The following ARAP2 variants were observed in gnomAD, a reference collection of about 807,000 sequenced individuals.
ARAP2 encodes arf-GAP with Rho-GAP domain, ANK repeat and PH domain-containing protein 2.
Under a neutral mutation model 194.5 loss-of-function variants are expected in ARAP2, and 148 were observed. That is an observed-to-expected ratio of 0.76 (90% CI 0.67 to 0.87). The LOEUF (loss-of-function observed/expected upper bound fraction) is 0.87, where lower values mean the gene tolerates loss of function less well. Ranked by LOEUF, ARAP2 falls within the 40% of genes least tolerant of loss-of-function variation. The pLI, the probability that ARAP2 is intolerant of heterozygous loss-of-function variation, is 0.00. For missense variants in ARAP2, 2,128 were observed against 1,989.7 expected (o/e 1.07, Z -1.32); for synonymous variants, 695 against 683.5 (o/e 1.02, Z -0.26).
chr4:36,121,071 T>C, intron 23 of ARAP2, 108 bp downstream of exon 23: 1 of 812,218 alleles, frequency 1.2e-6, no homozygotes, highest in Non-Finnish European at 1.7e-6. Flanking sequence ...TTTATGTATT[T>C]CTAAATATGA....
intron 26 of ARAP2, among the ~76,000 whole-genome samples, chr4:36,110,627 T>C (rs1375206071): frequency 2.0e-5 from 3 of 151,940 alleles, no homozygotes; most frequent in Non-Finnish European, 4.4e-5. Flanking sequence ...CAGCTTAATG[T>C]ATATTTCATA....
At chr4:36,052,777 G>A (rs1342433908) in intron 2 of ARAP2, among the ~76,000 whole-genome samples, 4 of 152,044 alleles carry the variant, frequency 2.6e-5, no homozygotes, top group Non-Finnish European at 2.9e-5. Flanking sequence ...ATCGTGGCTA[G>A]CACGGTGAAA....
intron 12 of ARAP2, 45 bp from the exon 13 acceptor site, chr4:36,160,686 A>C: frequency 3.0e-6 from 4 of 1,333,202 alleles, no homozygotes; most frequent in Non-Finnish European, 3.9e-6. Flanking sequence ...AGTTCATAAA[A>C]TATATTTGAA....
At chr4:36,111,179 T>C (rs1719896563) in intron 26 of ARAP2, among the ~76,000 whole-genome samples, 1 of 151,864 alleles carries the variant, frequency 6.6e-6, no homozygotes, top group South Asian at 2.1e-4. Flanking sequence ...CTGCATTACT[T>C]GGAGGATTTA....
chr4:36,035,688 CA>C (rs1719786198), intron 5 of ARAP2, among the ~76,000 whole-genome samples: 1 of 152,060 alleles, frequency 6.6e-6, no homozygotes, highest in Non-Finnish European at 1.5e-5. Flanking sequence ...ATTTGTTCAT[CA>C]ATACATTTTT....
At chr4:36,127,601 T>G (rs1243338355) in intron 21 of ARAP2, among the ~76,000 whole-genome samples, 1 of 151,992 alleles carries the variant, frequency 6.6e-6, no homozygotes, top group African/African-American at 2.4e-5. Flanking sequence ...GCCATGTGAC[T>G]AGATTCAAAA....
At chr4:36,099,423 C>T (rs1476513133) in intron 27 of ARAP2, among the ~76,000 whole-genome samples, 2 of 152,026 alleles carry the variant, frequency 1.3e-5, no homozygotes, top group Admixed American at 6.6e-5. Context: ...GACCTGACTA[C>T]AAGAAATCCA....
chr4:36,114,818 A>G (rs1720939544), intron 25 of ARAP2, among the ~76,000 whole-genome samples: 2 of 152,004 alleles, frequency 1.3e-5, no homozygotes, highest in African/African-American at 4.8e-5. Flanking sequence ...TCCAGGGCAG[A>G]TGTCAGAGTC....
At chr4:36,158,942 G>A in intron 14 of ARAP2, 78 bp from the exon 15 acceptor site, 1 of 1,287,708 alleles carries the variant, frequency 7.8e-7, no homozygotes, top group South Asian at 1.8e-5. Context: ...ATGTACATGA[G>A]TTTTGAGCTA....
intron 23 of ARAP2, among the ~76,000 whole-genome samples, chr4:36,120,386 T>C (rs1171347888): frequency 1.3e-5 from 2 of 151,608 alleles, no homozygotes; most frequent in Non-Finnish European, 3.0e-5. Flanking sequence ...TTATGATAAG[T>C]GATTATAATA....
intron 1 of ARAP2, among the ~76,000 whole-genome samples, chr4:36,237,875 A>G (rs1752734411): frequency 6.6e-6 from 1 of 152,222 alleles, no homozygotes; most frequent in African/African-American, 2.4e-5. Context: ...ATAGATAAAG[A>G]CATGTTCAAC....
At chr4:36,116,361 G>C (rs1482049041) in intron 25 of ARAP2, among the ~76,000 whole-genome samples, 1 of 151,854 alleles carries the variant, frequency 6.6e-6, no homozygotes, top group Admixed American at 6.6e-5. Flanking sequence ...AATGTCTACT[G>C]TTCATACAAA....
intron 8 of ARAP2, among the ~76,000 whole-genome samples, chr4:36,183,081 C>T (rs1013593750): frequency 2.0e-5 from 3 of 152,006 alleles, no homozygotes; most frequent in Non-Finnish European, 4.4e-5. Context: ...AAATACATTA[C>T]GTCAGAAACT....
intron 28 of ARAP2, among the ~76,000 whole-genome samples, chr4:36,087,983 A>G (rs1331066766): frequency 6.6e-6 from 1 of 152,102 alleles, no homozygotes; most frequent in African/African-American, 2.4e-5. Flanking sequence ...TTCGTGGGGT[A>G]ACTGTATAGA....
chr4:36,187,888 C>T (rs1316235150), intron 7 of ARAP2, among the ~76,000 whole-genome samples: 2 of 152,200 alleles, frequency 1.3e-5, no homozygotes, highest in East Asian at 3.8e-4. Context: ...TTCTTTAAAA[C>T]AATCTGCTCA....
chr4:36,087,469 G>A (rs1250891019), intron 28 of ARAP2, among the ~76,000 whole-genome samples: 2 of 152,050 alleles, frequency 1.3e-5, no homozygotes, highest in African/African-American at 4.8e-5. Context: ...TGTTTTCAGA[G>A]AAGTTCTTGA....
intron 5 of ARAP2, among the ~76,000 whole-genome samples, chr4:36,031,715 C>T (rs1197961509): frequency 6.6e-6 from 1 of 150,416 alleles, no homozygotes; most frequent in African/African-American, 2.4e-5. Context: ...GTCGCCCAGG[C>T]TGGAGTGCAA....
intron 9 of ARAP2, among the ~76,000 whole-genome samples, chr4:36,173,370 A>T (rs1319659462): frequency 6.6e-6 from 1 of 152,184 alleles, no homozygotes; most frequent in Non-Finnish European, 1.5e-5. Flanking sequence ...AAAAATTCTG[A>T]CTTACACACT....
At chr4:36,155,013 C>T (rs918959335) in intron 15 of ARAP2, among the ~76,000 whole-genome samples, 6 of 152,152 alleles carry the variant, frequency 3.9e-5, no homozygotes, top group Non-Finnish European at 7.4e-5. Flanking sequence ...TAAATAGGGG[C>T]TTTCTGCACA....
Sources: gnomAD v4.1 joint callset for allele counts (sites outside exome capture counted in the v4.1 genomes callset) on GRCh38, gnomAD v4.1.1 for gene constraint, MANE v1.5 for transcripts, NCBI Gene and HGNC (gene_info 2026-07-23, HGNC 2026-07-21) for gene names.